The following TAFA2 variants were observed in gnomAD, a reference collection of about 807,000 sequenced individuals.
TAFA2 encodes the protein chemokine-like protein TAFA-2.
Under a neutral mutation model 18.8 loss-of-function variants are expected in TAFA2, and 7 were observed. The observed-to-expected ratio is 0.37, with a 90% CI of 0.21 to 0.70. The LOEUF (loss-of-function observed/expected upper bound fraction) is 0.70, where lower values mean the gene tolerates loss of function less well. TAFA2 is among the 30% of genes least tolerant of loss of function. The pLI is 0.53. For synonymous variants in TAFA2, 60 were observed against 54.2 expected (o/e 1.11, Z -0.47); for missense variants, 122 against 158.1 (o/e 0.77, Z 1.23).
intron 1 of TAFA2, among the ~76,000 whole-genome samples, chr12:62,107,998 T>A (rs1869540054): frequency 6.6e-6 from 1 of 152,170 alleles, no homozygotes; most frequent in Non-Finnish European, 1.5e-5. Flanking sequence ...AAAGCTTTTT[T>A]TATATACACT....
At chr12:62,039,965 C>T (rs1359522908) in intron 1 of TAFA2, among the ~76,000 whole-genome samples, 5 of 152,100 alleles carry the variant, frequency 3.3e-5, no homozygotes, top group African/African-American at 9.7e-5. Context: ...AGTGGCATTC[C>T]TCCGGTTGAT....
intron 1 of TAFA2, among the ~76,000 whole-genome samples, chr12:61,911,280 AC>A (rs1033740396): frequency 6.6e-6 from 1 of 151,844 alleles, no homozygotes; most frequent in Non-Finnish European, 1.5e-5. Flanking sequence ...CCTTCCCTTC[AC>A]CCCTCTAGTT....
chr12:62,087,160 G>A (rs1163456669), intron 1 of TAFA2, among the ~76,000 whole-genome samples: 1 of 152,066 alleles, frequency 6.6e-6, no homozygotes, highest in African/African-American at 2.4e-5. Context: ...TGGGAAGTTA[G>A]TGCTTGGTGG....
At chr12:61,882,106 A>T (rs1462076644) in intron 1 of TAFA2, among the ~76,000 whole-genome samples, 1 of 152,230 alleles carries the variant, frequency 6.6e-6, no homozygotes, top group East Asian at 1.9e-4. Context: ...CGTTTAATGT[A>T]CTAATCCAAC....
At chr12:61,983,304 G>C (rs919316641) in intron 1 of TAFA2, among the ~76,000 whole-genome samples, 7 of 152,166 alleles carry the variant, frequency 4.6e-5, no homozygotes, top group African/African-American at 1.7e-4. Flanking sequence ...CTCACAGAAT[G>C]AAACACTTTC....
intron 1 of TAFA2, among the ~76,000 whole-genome samples, chr12:62,091,033 T>C (rs1039858542): frequency 6.6e-6 from 1 of 152,028 alleles, no homozygotes; most frequent in African/African-American, 2.4e-5. Context: ...ACATTATATA[T>C]CAAAATTAAT....
At chr12:62,099,937 A>G (rs1869117172) in intron 1 of TAFA2, among the ~76,000 whole-genome samples, 1 of 152,200 alleles carries the variant, frequency 6.6e-6, no homozygotes, top group Non-Finnish European at 1.5e-5. Context: ...ATAAATGCTT[A>G]TAAAATGAGA....
At chr12:62,157,008 T>G (rs2062374104) in intron 1 of TAFA2, among the ~76,000 whole-genome samples, 1 of 152,190 alleles carries the variant, frequency 6.6e-6, no homozygotes, top group Non-Finnish European at 1.5e-5. Context: ...GATGACTAAA[T>G]TTTGTCTAAA....
chr12:61,800,045 G>A (rs940554073), intron 2 of TAFA2, among the ~76,000 whole-genome samples: 1 of 151,870 alleles, frequency 6.6e-6, no homozygotes, highest in Non-Finnish European at 1.5e-5. Context: ...AATGAATAAC[G>A]GACATTTTTA....
rs147019322 is a variant in TAFA2 at position 62,061,829 on chromosome 12, C to T, written c.-2+129430G>A. Among the ~76,000 whole-genome samples the T allele has an allele frequency of 9.5e-4, 144 of 152,176 alleles. 3 individuals are homozygous for T. The East Asian group carries it at 0.023, about 24-fold the overall frequency. ...CAGACTATTTTTTTACTTTTGAAGA[C>T]ATATTAGTGGATAAAGGTGACAAAA... On this transcript the variant is annotated intron_variant, in intron 1 of 4. Transcript: ENST00000416284.
At chr12:61,801,146 C>G (rs1170649525) in intron 2 of TAFA2, among the ~76,000 whole-genome samples, 1 of 152,152 alleles carries the variant, frequency 6.6e-6, no homozygotes, top group East Asian at 1.9e-4. Context: ...GAAGATATCC[C>G]ATGTTCATGA....
chr12:61,747,693 T>C lies in TAFA2; in HGVS notation c.384+5929A>G, dbSNP rs1301598865. On this transcript the variant is annotated intron_variant, in intron 4 of 4. Transcript: ENST00000416284. ...GATCACATGGACACAGGAAGGGGAA[T>C]ATCACACTCTGGGGACTGTTGTGGG... 6.4e-5 allele frequency among the ~76,000 whole-genome samples: 9 copies of C among 141,396 alleles called. No homozygotes were observed. In the East Asian group the frequency reaches 1.9e-3, roughly 30 times the overall value. The allele number at this position is 141,396 out of a possible 152,430, so 92.8% of individuals were successfully genotyped here.
intron 1 of TAFA2, among the ~76,000 whole-genome samples, chr12:61,937,049 C>T (rs1877797774): frequency 6.6e-6 from 1 of 152,076 alleles, no homozygotes; most frequent in Non-Finnish European, 1.5e-5. Context: ...TAACTCAATC[C>T]TTTTTACCAT....
chr12:61,975,229 G>C (rs758001312), intron 1 of TAFA2, among the ~76,000 whole-genome samples: 4 of 151,606 alleles, frequency 2.6e-5, no homozygotes, highest in Non-Finnish European at 5.9e-5. Flanking sequence ...CTATACATCT[G>C]ATATCTAGAC....
chr12:61,822,589 T>C (rs1872364993), intron 2 of TAFA2, among the ~76,000 whole-genome samples: 1 of 152,196 alleles, frequency 6.6e-6, no homozygotes, highest in Non-Finnish European at 1.5e-5. Flanking sequence ...TCACTTCCTC[T>C]GAAGGTGTCC....
chr12:61,859,546 C>CG, intron 2 of TAFA2, among the ~76,000 whole-genome samples: 1 of 152,214 alleles, frequency 6.6e-6, no homozygotes, highest in African/African-American at 2.4e-5. Flanking sequence ...AGGGCTCAAG[C>CG]GATTCTTCTG....
rs369951670 is a variant in TAFA2, at chr12:62,204,284, T to G, written c.-130+54479A>C. Among the ~76,000 whole-genome samples the G allele has an allele frequency of 4.6e-5, 7 of 152,298 alleles. No individual in the cohort carries two copies. In the South Asian group the frequency reaches 8.3e-4, roughly 18 times the overall value. ...TGCCCTTAACATTTTTTCCTTCATT[T>G]CGACCTTGGAGAATCTGATGATTAT... is the stretch of plus-strand genomic sequence containing the variant. On this transcript the variant is annotated intron_variant, in intron 1 of 5. Transcript: ENST00000551619.
chr12:62,254,407 A>G (rs1398583412), intron 1 of TAFA2, among the ~76,000 whole-genome samples: 1 of 152,114 alleles, frequency 6.6e-6, no homozygotes, highest in African/African-American at 2.4e-5. Context: ...GGTCTTTTTG[A>G]CTCTAAAATG....
chr12:61,802,311 T>A (rs1337304075), intron 2 of TAFA2, among the ~76,000 whole-genome samples: 1 of 152,034 alleles, frequency 6.6e-6, no homozygotes, highest in East Asian at 1.9e-4. Flanking sequence ...TGCACCCCCA[T>A]GTTTATTGCA....
Sources: allele counts gnomAD v4.1 joint callset (sites outside exome capture counted in the v4.1 genomes callset), GRCh38; gene constraint gnomAD v4.1.1; transcripts MANE v1.5; gene names NCBI Gene and HGNC (gene_info 2026-07-23, HGNC 2026-07-21).